Variants in XKR6 observed in about 807,000 individuals in gnomAD.
XKR6 encodes the protein XK related 6, also known as XK-related protein 6.
A neutral mutation model predicts 56.7 loss-of-function variants in XKR6; 22 were observed. That is an observed-to-expected ratio of 0.39 (90% CI 0.28 to 0.55). The LOEUF (loss-of-function observed/expected upper bound fraction) is 0.55, where lower values mean the gene tolerates loss of function less well. Among genes scored for constraint, XKR6 ranks in the 20% least tolerant of loss-of-function variants. XKR6 has a pLI of 0.66. For missense variants in XKR6, 852 were observed against 889.0 expected, an observed-to-expected ratio of 0.96 and a Z score of 0.53; for synonymous variants, 524 against 387.8, an observed-to-expected ratio of 1.35 and a Z score of -4.13.
intron 1 of XKR6, among the ~76,000 whole-genome samples, chr8:11,171,274 G>A (rs988109548): frequency 1.3e-5 from 2 of 151,722 alleles, no homozygotes; most frequent in African/African-American, 2.4e-5. Context: ...ACCCACGCAT[G>A]TGCGACTGCA....
intron 1 of XKR6, among the ~76,000 whole-genome samples, chr8:11,168,506 G>C (rs920225321): frequency 2.6e-5 from 4 of 151,958 alleles, no homozygotes; most frequent in Non-Finnish European, 5.9e-5. Flanking sequence ...AAGATAAATA[G>C]GGAAACAGAG....
At chr8:11,178,827 C>A (rs1039426106) in intron 1 of XKR6, among the ~76,000 whole-genome samples, 1 of 150,538 alleles carries the variant, frequency 6.6e-6, no homozygotes, top group Non-Finnish European at 1.5e-5. Context: ...ATCAAGTGAA[C>A]TCTTCTTCCC....
At chr8:11,012,599 A>C (rs1347857355) in intron 1 of XKR6, among the ~76,000 whole-genome samples, 2 of 152,084 alleles carry the variant, frequency 1.3e-5, no homozygotes, top group Non-Finnish European at 2.9e-5. Flanking sequence ...TGGGAAATGT[A>C]AACTATAGAA....
intron 1 of XKR6, among the ~76,000 whole-genome samples, chr8:11,019,429 C>T (rs1400511081): frequency 6.6e-6 from 1 of 152,254 alleles, no homozygotes; most frequent in Non-Finnish European, 1.5e-5. Flanking sequence ...TGTAACTATT[C>T]TTCCTCCATC....
chr8:10,945,209 C>T (rs1314036151), intron 1 of XKR6, among the ~76,000 whole-genome samples: 1 of 152,200 alleles, frequency 6.6e-6, no homozygotes, highest in East Asian at 1.9e-4. Context: ...TGCTGTTGCG[C>T]ACGGTGGCTC....
chr8:10,923,775 G>A (rs1800793445), intron 2 of XKR6, among the ~76,000 whole-genome samples: 1 of 152,198 alleles, frequency 6.6e-6, no homozygotes, highest in South Asian at 2.1e-4. Context: ...AAGAGACCAG[G>A]AGGTACTGCT....
chr8:11,185,650 G>C (rs1438032507), intron 1 of XKR6, among the ~76,000 whole-genome samples: 1 of 152,170 alleles, frequency 6.6e-6, no homozygotes, highest in Non-Finnish European at 1.5e-5. Context: ...GATTTTGAAA[G>C]AGTACATTAG....
At chr8:10,906,753 G>A (rs907152757) in intron 2 of XKR6, among the ~76,000 whole-genome samples, 23 of 152,114 alleles carry the variant, frequency 1.5e-4, no homozygotes, top group African/African-American at 5.6e-4. Context: ...GGTCAAAGAG[G>A]CTGGGCGTGG....
chr8:11,005,048 T>C (rs1023424155), intron 1 of XKR6, among the ~76,000 whole-genome samples: 4 of 152,146 alleles, frequency 2.6e-5, no homozygotes, highest in African/African-American at 9.7e-5. Flanking sequence ...ACCTTATCCA[T>C]GGGAGATACG....
intron 1 of XKR6, among the ~76,000 whole-genome samples, chr8:10,934,771 C>A (rs1295177205): frequency 6.7e-6 from 1 of 148,162 alleles, no homozygotes. Flanking sequence ...GGTGGATAAG[C>A]TTTTTGATGT....
intron 2 of XKR6, among the ~76,000 whole-genome samples, chr8:10,923,781 C>A (rs149098318): frequency 6.6e-6 from 1 of 152,184 alleles, no homozygotes; most frequent in Non-Finnish European, 1.5e-5. Context: ...CCAGGAGGTA[C>A]TGCTGGCCAG....
intron 1 of XKR6, among the ~76,000 whole-genome samples, chr8:11,118,621 G>A (rs1414621788): frequency 6.6e-6 from 1 of 152,086 alleles, no homozygotes; most frequent in East Asian, 1.9e-4. Context: ...ATTCTCTGAT[G>A]GTAGTTTGTA....
intron 1 of XKR6, among the ~76,000 whole-genome samples, chr8:11,166,611 C>T (rs1331803502): frequency 6.6e-6 from 1 of 152,084 alleles, no homozygotes; most frequent in East Asian, 1.9e-4. Context: ...TCACTCTTGT[C>T]GCTCAGGCTG....
intron 1 of XKR6, among the ~76,000 whole-genome samples, chr8:11,122,389 AG>A (rs1479874270): frequency 3.3e-5 from 5 of 152,260 alleles, no homozygotes. Flanking sequence ...AGAATACTTT[AG>A]TTATATAGCT....
intron 1 of XKR6, among the ~76,000 whole-genome samples, chr8:11,159,392 C>T (rs149791117): frequency 2.4e-4 from 37 of 152,320 alleles, no homozygotes; most frequent in African/African-American, 7.5e-4. Flanking sequence ...CAGTCTGTTA[C>T]GACAGCTATG....
At chr8:11,176,762 C>T (rs1802677327) in intron 1 of XKR6, among the ~76,000 whole-genome samples, 1 of 151,978 alleles carries the variant, frequency 6.6e-6, no homozygotes, top group South Asian at 2.1e-4. Context: ...TCAAAGAAAA[C>T]CCCCACCCCG....
At chr8:10,976,628 A>T (rs973256759) in intron 1 of XKR6, among the ~76,000 whole-genome samples, 1 of 152,192 alleles carries the variant, frequency 6.6e-6, no homozygotes, top group East Asian at 1.9e-4. Flanking sequence ...TCCACGTTCA[A>T]GAGTACAAAG....
At chr8:11,129,693 A>C (rs1317267539) in intron 1 of XKR6, among the ~76,000 whole-genome samples, 1 of 152,258 alleles carries the variant, frequency 6.6e-6, no homozygotes, top group Non-Finnish European at 1.5e-5. Context: ...TAAATTTATC[A>C]TAAATCTATA....
At chr8:10,995,499 T>TAC (rs60170259) in intron 1 of XKR6, among the ~76,000 whole-genome samples, 10 of 140,398 alleles carry the variant, frequency 7.1e-5, no homozygotes, top group East Asian at 2.0e-4. Flanking sequence ...TATATATATA[T>TAC]ACACACACAC....
Sources: gnomAD v4.1 joint callset for allele counts (sites outside exome capture counted in the v4.1 genomes callset) on GRCh38, gnomAD v4.1.1 for gene constraint, MANE v1.5 for transcripts, NCBI Gene and HGNC (gene_info 2026-07-23, HGNC 2026-07-21) for gene names.